EYS: variants seen among roughly 807,000 people sequenced by gnomAD.
EYS encodes the protein EGF-like photoreceptor maintenance factor, also known as protein eyes shut homolog.
In EYS, 250 loss-of-function variants were observed where a neutral mutation model predicts 282.1. The ratio of observed to expected loss-of-function variants is 0.89; its 90% CI spans 0.80 to 0.98. The LOEUF is 0.98. EYS is among the 50% of genes least tolerant of loss of function. EYS has a pLI of 0.00. For synonymous variants in EYS, 1,355 were observed against 1,282.9 expected (o/e 1.06, Z -1.20); for missense variants, 4,016 against 3,709.0 (o/e 1.08, Z -2.15).
At chr6:65,188,775 A>AAAAAC (rs1478044524) in intron 12 of EYS, among the ~76,000 whole-genome samples, 1 of 150,774 alleles carries the variant, frequency 6.6e-6, no homozygotes, top group Non-Finnish European at 1.5e-5. Flanking sequence ...AAAAAAAAAA[A>AAAAAC]AAAAAAAAGA....
chr6:64,049,175 C>T (rs902982685), intron 33 of EYS, among the ~76,000 whole-genome samples: 2 of 152,150 alleles, frequency 1.3e-5, no homozygotes, highest in Non-Finnish European at 2.9e-5. Flanking sequence ...TATTGTCAAA[C>T]ATTTTAAACA....
chr6:64,865,554 G>C (rs569587275), intron 19 of EYS, among the ~76,000 whole-genome samples: 28 of 152,230 alleles, frequency 1.8e-4, no homozygotes, highest in African/African-American at 6.5e-4. Context: ...TATTGAAAAA[G>C]TTGTCAGTGT....
chr6:64,359,062 G>T (rs1771922658), intron 29 of EYS, among the ~76,000 whole-genome samples: 2 of 151,744 alleles, frequency 1.3e-5, no homozygotes, highest in Non-Finnish European at 3.0e-5. Context: ...TAGACATGCA[G>T]ATATCACAGA....
At chr6:64,858,438 C>T (rs1766134209) in intron 19 of EYS, among the ~76,000 whole-genome samples, 1 of 151,910 alleles carries the variant, frequency 6.6e-6, no homozygotes, top group African/African-American at 2.4e-5. Context: ...GTTTTCTATC[C>T]TGTTCCATTG....
chr6:64,618,697 C>T (rs1767350879), intron 23 of EYS, among the ~76,000 whole-genome samples: 1 of 152,100 alleles, frequency 6.6e-6, no homozygotes, highest in Non-Finnish European at 1.5e-5. Flanking sequence ...ATGTCCACAT[C>T]AAACTTAGAA....
chr6:65,542,083 G>C (rs1768187946), intron 2 of EYS, among the ~76,000 whole-genome samples: 1 of 152,036 alleles, frequency 6.6e-6, no homozygotes. Context: ...TGCACACTTT[G>C]CAAATATTTA....
At chr6:63,996,033 G>T (rs992215937) in intron 34 of EYS, among the ~76,000 whole-genome samples, 1 of 82,302 alleles carries the variant, frequency 1.2e-5, no homozygotes, top group Non-Finnish European at 3.4e-5. Flanking sequence ...AAGTATACAT[G>T]TATCAAAACA....
At chr6:65,674,449 T>A (rs1434962298) in intron 1 of EYS, among the ~76,000 whole-genome samples, 2 of 21,650 alleles carry the variant, frequency 9.2e-5, no homozygotes, top group Admixed American at 8.2e-4. Flanking sequence ...AGACTCCGTC[T>A]CAAAAAAAAA....
intron 2 of EYS, among the ~76,000 whole-genome samples, chr6:65,639,455 G>C (rs1045869297): frequency 6.6e-6 from 1 of 151,694 alleles, no homozygotes; most frequent in African/African-American, 2.4e-5. Context: ...TTTAATAATG[G>C]ATTATTTAAA....
chr6:64,583,849 C>T (rs539539840), intron 26 of EYS, among the ~76,000 whole-genome samples: 4 of 151,488 alleles, frequency 2.6e-5, no homozygotes, highest in Non-Finnish European at 2.9e-5. Flanking sequence ...TTCACTAAAA[C>T]GTAAATAATA....
chr6:64,245,305 G>GT (rs987826916), intron 30 of EYS, among the ~76,000 whole-genome samples: 4 of 148,962 alleles, frequency 2.7e-5, no homozygotes, highest in African/African-American at 7.4e-5. Flanking sequence ...TTTTGTTTTT[G>GT]TTTTTTGTGG....
At chr6:65,212,206 A>G (rs1019423981) in intron 12 of EYS, among the ~76,000 whole-genome samples, 3 of 152,110 alleles carry the variant, frequency 2.0e-5, no homozygotes, top group Non-Finnish European at 2.9e-5. Flanking sequence ...AAGTATGTGG[A>G]CAATTTGAGT....
At chr6:64,260,279 C>A (rs1368425704) in intron 30 of EYS, among the ~76,000 whole-genome samples, 1 of 152,056 alleles carries the variant, frequency 6.6e-6, no homozygotes, top group Admixed American at 6.6e-5. Context: ...CATGAGGCTG[C>A]CATACTAGTC....
intron 22 of EYS, among the ~76,000 whole-genome samples, chr6:64,635,803 G>A (rs1364477999): frequency 1.3e-5 from 2 of 152,144 alleles, no homozygotes; most frequent in Non-Finnish European, 2.9e-5. Context: ...TTGTGTCTCT[G>A]CCAGGCTTTG....
chr6:64,747,673 C>T (rs924495288), intron 22 of EYS, among the ~76,000 whole-genome samples: 2 of 152,180 alleles, frequency 1.3e-5, no homozygotes, highest in Admixed American at 1.3e-4. Flanking sequence ...CCACCATGCC[C>T]AGCCCTAGAA....
At chr6:64,307,764 T>C (rs2150376384) in intron 29 of EYS, among the ~76,000 whole-genome samples, 1 of 152,238 alleles carries the variant, frequency 6.6e-6, no homozygotes, top group East Asian at 1.9e-4. Flanking sequence ...TAATGGATGT[T>C]AATTTGCTTC....
At chr6:64,367,199 A>G (rs373626898) in intron 29 of EYS, among the ~76,000 whole-genome samples, 2 of 152,182 alleles carry the variant, frequency 1.3e-5, no homozygotes, top group East Asian at 3.9e-4. Context: ...GCATATGAAT[A>G]TATTAAGTAT....
chr6:64,735,044 T>A (rs1197170371), intron 22 of EYS, among the ~76,000 whole-genome samples: 1 of 152,166 alleles, frequency 6.6e-6, no homozygotes, highest in Admixed American at 6.6e-5. Flanking sequence ...AAGTGTCTAG[T>A]CTAAATGACT....
chr6:64,409,856 A>G (rs1429989821), intron 28 of EYS, among the ~76,000 whole-genome samples: 1 of 151,996 alleles, frequency 6.6e-6, no homozygotes. Context: ...ATTTTTTTAA[A>G]GACATGTACT....
Sources: allele counts gnomAD v4.1 joint callset (sites outside exome capture counted in the v4.1 genomes callset), GRCh38; gene constraint gnomAD v4.1.1; transcripts MANE v1.5; gene names NCBI Gene and HGNC (gene_info 2026-07-23, HGNC 2026-07-21).